SLC39A11: variants seen among roughly 807,000 people sequenced by gnomAD.
SLC39A11 encodes the protein zinc transporter ZIP11.
SLC39A11 carries 33 observed loss-of-function variants against 36.1 expected under a neutral mutation model. The ratio of observed to expected loss-of-function variants is 0.91; its 90% confidence interval spans 0.69 to 1.22. The LOEUF (loss-of-function observed/expected upper bound fraction) is 1.22. SLC39A11 is among the 50% of genes most tolerant of loss of function. SLC39A11 has a pLI of 0.00. For synonymous variants in SLC39A11, 166 were observed against 170.3 expected, an observed-to-expected ratio of 0.97 and a Z score of 0.20; for missense variants, 432 against 430.3, an observed-to-expected ratio of 1.00 and a Z score of -0.03.
At chr17:72,849,875 G>C (rs2079225727) in intron 5 of SLC39A11, 71 bp from the exon 6 acceptor site, 1 of 1,368,032 alleles carries the variant, frequency 7.3e-7, no homozygotes. Context: ...TAACTCTCCA[G>C]CAAGCTACAG....
At chr17:73,050,045 C>T (rs569274392) in intron 3 of SLC39A11, among the ~76,000 whole-genome samples, 8 of 152,190 alleles carry the variant, frequency 5.3e-5, no homozygotes, top group African/African-American at 1.7e-4. Flanking sequence ...CACTTGAACC[C>T]GGGAAGAAGA....
At chr17:73,027,726 C>T (rs1219345289) in intron 4 of SLC39A11, among the ~76,000 whole-genome samples, 2 of 152,196 alleles carry the variant, frequency 1.3e-5, no homozygotes, top group African/African-American at 4.8e-5. Context: ...GTGTGATGCC[C>T]TTCACGTCCC....
At chr17:73,090,923 G>A (rs1436598355) in intron 1 of SLC39A11, among the ~76,000 whole-genome samples, 1 of 152,184 alleles carries the variant, frequency 6.6e-6, no homozygotes, top group African/African-American at 2.4e-5. Context: ...CAAGCCCAGT[G>A]CCCCTCGGAG....
intron 4 of SLC39A11, among the ~76,000 whole-genome samples, chr17:72,995,439 G>A (rs945453373): frequency 1.3e-5 from 2 of 152,238 alleles, no homozygotes; most frequent in Admixed American, 1.3e-4. Flanking sequence ...CAACTTGACT[G>A]GACTAAGGGA....
At chr17:73,046,546 T>C (rs1239818558) in intron 3 of SLC39A11, among the ~76,000 whole-genome samples, 1 of 152,214 alleles carries the variant, frequency 6.6e-6, no homozygotes, top group Non-Finnish European at 1.5e-5. Flanking sequence ...ATACTTGTTT[T>C]AGTATAAGCA....
chr17:73,044,604 T>C (rs1159738249), intron 3 of SLC39A11, among the ~76,000 whole-genome samples: 2 of 152,296 alleles, frequency 1.3e-5, no homozygotes, highest in East Asian at 1.9e-4. Flanking sequence ...CTGGACATGG[T>C]GGCTCATGCC....
At chr17:72,654,275 C>CT (rs984049983) in intron 7 of SLC39A11, among the ~76,000 whole-genome samples, 8 of 152,118 alleles carry the variant, frequency 5.3e-5, no homozygotes, top group African/African-American at 1.9e-4. Flanking sequence ...AGTTAATGGC[C>CT]TCACTTCTTC....
At chr17:73,091,981 C>T (rs986788667) in intron 1 of SLC39A11, 2 of 152,184 alleles carry the variant, frequency 1.3e-5, no homozygotes, top group Non-Finnish European at 2.9e-5. Context: ...GCTGCTGGGC[C>T]TTAGTGGAGC....
intron 4 of SLC39A11, among the ~76,000 whole-genome samples, chr17:72,998,100 G>A (rs577791033): frequency 4.6e-5 from 7 of 152,124 alleles, no homozygotes; most frequent in Non-Finnish European, 7.4e-5. Flanking sequence ...TGAAAAAGGC[G>A]TTAAATTTAC....
At chr17:73,024,123 A>T (rs997335158) in intron 4 of SLC39A11, among the ~76,000 whole-genome samples, 1 of 152,220 alleles carries the variant, frequency 6.6e-6, no homozygotes, top group African/African-American at 2.4e-5. Flanking sequence ...CCGACTGCAG[A>T]ACTGCCACCT....
intron 5 of SLC39A11, among the ~76,000 whole-genome samples, chr17:72,861,668 TATATATATATATATATATATAAA>T (rs1318032988): frequency 2.8e-5 from 3 of 107,112 alleles, no homozygotes; most frequent in East Asian, 6.0e-4. Context: ...TATATATATA[TATATATATATATATATATATAAA>T]ATATATATAT....
chr17:73,031,783 T>C, intron 3 of SLC39A11, 69 bp from the exon 4 acceptor site: 1 of 1,524,302 alleles, frequency 6.6e-7, no homozygotes, highest in Non-Finnish European at 9.0e-7. Flanking sequence ...GGACCTCAGT[T>C]GCTCTCTGTG....
chr17:72,980,724 T>C (rs918485771), intron 4 of SLC39A11, among the ~76,000 whole-genome samples: 1 of 152,074 alleles, frequency 6.6e-6, no homozygotes, highest in Non-Finnish European at 1.5e-5. Flanking sequence ...CGGCACCATA[T>C]AATAAAAATA....
intron 3 of SLC39A11, among the ~76,000 whole-genome samples, chr17:73,055,391 G>A (rs912348661): frequency 9.9e-5 from 15 of 151,984 alleles, no homozygotes; most frequent in African/African-American, 3.6e-4. Context: ...AACCTGGCCT[G>A]GGACATAGAC....
At chr17:72,672,901 G>A (rs1242282257) in intron 7 of SLC39A11, among the ~76,000 whole-genome samples, 1 of 151,340 alleles carries the variant, frequency 6.6e-6, no homozygotes, top group Non-Finnish European at 1.5e-5. Context: ...GAGCCACCAC[G>A]CCTAACCCTG....
chr17:72,744,571 A>G (rs1250208689), intron 6 of SLC39A11, among the ~76,000 whole-genome samples: 1 of 152,228 alleles, frequency 6.6e-6, no homozygotes, highest in Admixed American at 6.5e-5. Flanking sequence ...TGGAGTTTGC[A>G]GTCTTCTTGC....
intron 7 of SLC39A11, among the ~76,000 whole-genome samples, chr17:72,671,118 A>AT (rs749435892): frequency 3.3e-4 from 50 of 152,156 alleles, no homozygotes; most frequent in Non-Finnish European, 6.2e-4. Context: ...CCTACAAGAG[A>AT]TCCCCTCTTT....
intron 4 of SLC39A11, among the ~76,000 whole-genome samples, chr17:73,026,200 G>GAAGAGAAGAGAAGAGAAGA (rs1555683108): frequency 0.17 from 21,382 of 126,890 alleles, 4,388 homozygotes; most frequent in African/African-American, 0.2. Flanking sequence ...AGAAGAGAAG[G>GAAGAGAAGAGAAGAGAAGA]GAAGAGAAGA....
chr17:72,911,604 G>C (rs1383719002), intron 5 of SLC39A11, among the ~76,000 whole-genome samples: 1 of 151,952 alleles, frequency 6.6e-6, no homozygotes. Flanking sequence ...TCCTAGGAGA[G>C]GCAGTCTGAT....
Sources: allele counts gnomAD v4.1 joint callset (sites outside exome capture counted in the v4.1 genomes callset), GRCh38; gene constraint gnomAD v4.1.1; transcripts MANE v1.5; gene names NCBI Gene and HGNC (gene_info 2026-07-23, HGNC 2026-07-21).